Variants in CACNA2D1 observed in about 807,000 individuals in gnomAD.
CACNA2D1 encodes calcium voltage-gated channel auxiliary subunit alpha2delta 1.
Under a neutral mutation model 171.5 loss-of-function variants are expected in CACNA2D1, and 53 were observed. The ratio of observed to expected loss-of-function variants is 0.31; its 90% confidence interval spans 0.25 to 0.39. The LOEUF (loss-of-function observed/expected upper bound fraction) is 0.39, where lower values mean the gene tolerates loss of function less well. Among genes scored for constraint, CACNA2D1 ranks in the 10% least tolerant of loss-of-function variants. CACNA2D1 has a pLI of 1.00. For synonymous variants in CACNA2D1, 442 were observed against 443.1 expected, an observed-to-expected ratio of 1.00 and a Z score of 0.03; for missense variants, 903 against 1,299.8, an observed-to-expected ratio of 0.69 and a Z score of 4.69.
chr7:82,333,370 C>T (rs1041628778), intron 3 of CACNA2D1, among the ~76,000 whole-genome samples: 1 of 151,940 alleles, frequency 6.6e-6, no homozygotes, highest in African/African-American at 2.4e-5. Context: ...GAAGACATAC[C>T]CCAGACTGGC....
intron 3 of CACNA2D1, among the ~76,000 whole-genome samples, chr7:82,199,113 T>A (rs1320838395): frequency 6.6e-6 from 1 of 152,166 alleles, no homozygotes; most frequent in Non-Finnish European, 1.5e-5. Flanking sequence ...ATCCACTTGT[T>A]CAAAGAGTAA....
chr7:82,122,955 T>C (rs1789917674), intron 5 of CACNA2D1, among the ~76,000 whole-genome samples: 1 of 152,224 alleles, frequency 6.6e-6, no homozygotes, highest in Non-Finnish European at 1.5e-5. Context: ...TCTTGATACC[T>C]GAGGCAAAGA....
intron 18 of CACNA2D1, among the ~76,000 whole-genome samples, chr7:82,002,021 CAAAA>C (rs35861959): frequency 2.0e-3 from 181 of 89,430 alleles, no homozygotes; most frequent in African/African-American, 6.3e-3. Context: ...ATTGATTTGA[CAAAA>C]AAAAAAAAAA....
At chr7:82,099,917 A>C (rs1234522570) in intron 6 of CACNA2D1, among the ~76,000 whole-genome samples, 1 of 152,176 alleles carries the variant, frequency 6.6e-6, no homozygotes, top group African/African-American at 2.4e-5. Flanking sequence ...GGGGAACAAC[A>C]CACACTGAGG....
intron 12 of CACNA2D1, among the ~76,000 whole-genome samples, chr7:82,026,754 T>C (rs1801973812): frequency 6.6e-6 from 1 of 151,768 alleles, no homozygotes; most frequent in Non-Finnish European, 1.5e-5. Flanking sequence ...GAAGCCATAT[T>C]TGAAGATGGT....
intron 14 of CACNA2D1, among the ~76,000 whole-genome samples, chr7:82,013,046 T>A (rs1272244092): frequency 6.6e-6 from 1 of 152,004 alleles, no homozygotes; most frequent in Admixed American, 6.6e-5. Flanking sequence ...ATTTGGGAGG[T>A]ATTTAAGTTC....
At chr7:82,363,250 G>GTC (rs1821283094) in intron 1 of CACNA2D1, among the ~76,000 whole-genome samples, 14 of 78,136 alleles carry the variant, frequency 1.8e-4, no homozygotes, top group African/African-American at 7.4e-4. Flanking sequence ...TTATTTATTT[G>GTC]TCTCTTTTTT....
At chr7:82,077,255 C>T (rs748887053) in intron 7 of CACNA2D1, among the ~76,000 whole-genome samples, 8 of 152,146 alleles carry the variant, frequency 5.3e-5, no homozygotes, top group Non-Finnish European at 1.2e-4. Flanking sequence ...AGTACAGCCC[C>T]CTGCCATTTA....
At chr7:82,083,752 CTAATT>C (rs144280575) in intron 7 of CACNA2D1, among the ~76,000 whole-genome samples, 167 of 152,164 alleles carry the variant, frequency 1.1e-3, no homozygotes, top group African/African-American at 3.7e-3. Context: ...TGGTTTTTAC[CTAATT>C]TGAGTACCAT....
chr7:82,221,109 G>A (rs1385779093), intron 3 of CACNA2D1, among the ~76,000 whole-genome samples: 3 of 152,112 alleles, frequency 2.0e-5, no homozygotes, highest in Admixed American at 6.5e-5. Flanking sequence ...AAGGTTTTGT[G>A]CAATGTGGAA....
At chr7:82,064,221 CT>C in intron 9 of CACNA2D1, 82 bp downstream of exon 9, 1 of 914,126 alleles carries the variant, frequency 1.1e-6, no homozygotes, top group Non-Finnish European at 1.8e-6. Context: ...CCTATCAAAC[CT>C]TTCTTAGTCC....
chr7:82,263,719 T>G (rs1807447714), intron 3 of CACNA2D1, among the ~76,000 whole-genome samples: 1 of 152,180 alleles, frequency 6.6e-6, no homozygotes, highest in African/African-American at 2.4e-5. Flanking sequence ...ATCTGAATTA[T>G]TATCCATCAT....
intron 3 of CACNA2D1, among the ~76,000 whole-genome samples, chr7:82,316,880 C>T (rs1264316594): frequency 6.6e-6 from 1 of 152,054 alleles, no homozygotes. Context: ...GGAAACTGCC[C>T]CCATGATTCA....
chr7:82,400,483 G>A (rs1826258423), intron 1 of CACNA2D1, among the ~76,000 whole-genome samples: 1 of 151,984 alleles, frequency 6.6e-6, no homozygotes, highest in Non-Finnish European at 1.5e-5. Flanking sequence ...AAATGGTGCT[G>A]GGAAAACTGG....
intron 3 of CACNA2D1, among the ~76,000 whole-genome samples, chr7:82,196,048 G>T (rs920403991): frequency 6.3e-5 from 8 of 126,828 alleles, no homozygotes; most frequent in Admixed American, 4.9e-4. Context: ...ATAAAATCTG[G>T]ATTCTACTAA....
chr7:82,023,711 A>G (rs1801537822), intron 12 of CACNA2D1: 1 of 151,754 alleles, frequency 6.6e-6, no homozygotes, highest in Non-Finnish European at 1.5e-5. Flanking sequence ...ACACATTTAA[A>G]TGTACAATGT....
intron 4 of CACNA2D1, among the ~76,000 whole-genome samples, chr7:82,156,106 A>G (rs1030244202): frequency 2.0e-5 from 3 of 152,214 alleles, no homozygotes; most frequent in Non-Finnish European, 4.4e-5. Flanking sequence ...AAATATTTGT[A>G]CCTGAAATGT....
chr7:82,255,848 T>A (rs1223480342), intron 3 of CACNA2D1, among the ~76,000 whole-genome samples: 2 of 152,198 alleles, frequency 1.3e-5, no homozygotes, highest in East Asian at 1.9e-4. Flanking sequence ...ATGCCCTAAG[T>A]AAGTTAATAC....
intron 38 of CACNA2D1, among the ~76,000 whole-genome samples, chr7:81,957,230 CAA>C (rs1051630886): frequency 1.3e-5 from 2 of 151,972 alleles, no homozygotes; most frequent in African/African-American, 4.8e-5. Flanking sequence ...AATTTTTACA[CAA>C]AAACTTTATG....
Sources: allele counts gnomAD v4.1 joint callset (sites outside exome capture counted in the v4.1 genomes callset), GRCh38; gene constraint gnomAD v4.1.1; transcripts MANE v1.5; gene names NCBI Gene and HGNC (gene_info 2026-07-23, HGNC 2026-07-21).